The following THADA variants were observed in gnomAD, a reference collection of about 807,000 sequenced individuals.
The protein encoded by THADA is tRNA (32-2'-O)-methyltransferase regulator THADA.
Under a neutral mutation model 219.8 loss-of-function variants are expected in THADA, and 213 were observed. The observed-to-expected ratio is 0.97, with a 90% CI of 0.87 to 1.09. The LOEUF (loss-of-function observed/expected upper bound fraction) is 1.09, where lower values mean the gene tolerates loss of function less well. Ranked by LOEUF, THADA falls within the 50% of genes least tolerant of loss-of-function variation. The pLI is 0.00. For missense variants in THADA, 2,956 were observed against 2,311.3 expected (o/e 1.28, Z -5.72); for synonymous variants, 1,018 against 828.9 (o/e 1.23, Z -3.92).
At chr2:43,462,521 T>C (rs1458202750) in intron 26 of THADA, among the ~76,000 whole-genome samples, 3 of 152,198 alleles carry the variant, frequency 2.0e-5, no homozygotes, top group Non-Finnish European at 4.4e-5. Flanking sequence ...CAACCTCTAA[T>C]ATGTTCAAAC....
intron 29 of THADA, among the ~76,000 whole-genome samples, chr2:43,377,516 G>T (rs940393563): frequency 2.0e-5 from 3 of 152,154 alleles, no homozygotes; most frequent in Admixed American, 2.0e-4. Context: ...ACCCACAGGG[G>T]AATTAGATGC....
chr2:43,546,353 T>C (rs995062871), intron 20 of THADA, among the ~76,000 whole-genome samples: 6 of 152,198 alleles, frequency 3.9e-5, no homozygotes, highest in Admixed American at 2.0e-4. Flanking sequence ...TCTGTTGATT[T>C]GGGGTGGAGA....
chr2:43,402,622 T>C (rs1674998976), intron 28 of THADA, among the ~76,000 whole-genome samples: 1 of 152,266 alleles, frequency 6.6e-6, no homozygotes, highest in African/African-American at 2.4e-5. Flanking sequence ...CACACATCCG[T>C]AGGGACATCT....
intron 29 of THADA, among the ~76,000 whole-genome samples, chr2:43,374,215 C>A (rs763790777): frequency 1.3e-5 from 2 of 152,118 alleles, no homozygotes; most frequent in Non-Finnish European, 2.9e-5. Flanking sequence ...TTGGGGAAAG[C>A]CCAAGAGAAT....
At chr2:43,471,798 T>G (rs1301638666) in intron 26 of THADA, among the ~76,000 whole-genome samples, 1 of 152,222 alleles carries the variant, frequency 6.6e-6, no homozygotes, top group African/African-American at 2.4e-5. Context: ...CAATAAGACT[T>G]ACCTGTTCTG....
chr2:43,431,500 C>G (rs1679279210), intron 26 of THADA, among the ~76,000 whole-genome samples: 1 of 152,148 alleles, frequency 6.6e-6, no homozygotes, highest in Admixed American at 6.6e-5. Flanking sequence ...GAGTCTCACT[C>G]TGTTGCCCAG....
At chr2:43,464,048 C>G (rs1683944190) in intron 26 of THADA, among the ~76,000 whole-genome samples, 1 of 152,096 alleles carries the variant, frequency 6.6e-6, no homozygotes, top group South Asian at 2.1e-4. Context: ...ATAGTTATCT[C>G]ACAAAATCTC....
chr2:43,578,719 C>T, intron 8 of THADA, 112 bp from the exon 9 acceptor site: 13 of 595,670 alleles, frequency 2.2e-5, no homozygotes, highest in Non-Finnish European at 3.7e-5. Flanking sequence ...CTAGTCTGAC[C>T]ACTTCCTGGG....
At chr2:43,349,595 A>G (rs970882527) in intron 29 of THADA, among the ~76,000 whole-genome samples, 4 of 152,150 alleles carry the variant, frequency 2.6e-5, no homozygotes, top group Non-Finnish European at 4.4e-5. Context: ...CTTCCAGGCA[A>G]TTTTCCCCCT....
intron 22 of THADA, among the ~76,000 whole-genome samples, chr2:43,513,775 C>A (rs1690809441): frequency 6.6e-6 from 1 of 151,952 alleles, no homozygotes; most frequent in Non-Finnish European, 1.5e-5. Context: ...AGAAAGACAA[C>A]CTAAAAAAAT....
At chr2:43,507,466 G>A (rs923340311) in intron 23 of THADA, among the ~76,000 whole-genome samples, 1 of 152,138 alleles carries the variant, frequency 6.6e-6, no homozygotes, top group African/African-American at 2.4e-5. Flanking sequence ...TTAGAGGCAG[G>A]AGAATGAAAC....
At chr2:43,549,634 A>G (rs1183410356) in intron 19 of THADA, among the ~76,000 whole-genome samples, 2 of 152,208 alleles carry the variant, frequency 1.3e-5, no homozygotes, top group African/African-American at 2.4e-5. Context: ...CCACCATGTC[A>G]TCTACACTGC....
intron 30 of THADA, among the ~76,000 whole-genome samples, chr2:43,329,578 TC>T (rs1679724734): frequency 6.6e-6 from 1 of 152,238 alleles, no homozygotes; most frequent in African/African-American, 2.4e-5. Flanking sequence ...TTTATAAAAT[TC>T]TTAAGAAGGA....
intron 26 of THADA, among the ~76,000 whole-genome samples, chr2:43,432,462 T>TC (rs1232187370): frequency 2.7e-5 from 4 of 146,378 alleles, no homozygotes; most frequent in African/African-American, 7.4e-5. Context: ...TTCTTTACCT[T>TC]TTTTTTTTTT....
At chr2:43,460,594 T>C (rs544501562) in intron 26 of THADA, among the ~76,000 whole-genome samples, 1 of 152,226 alleles carries the variant, frequency 6.6e-6, no homozygotes, top group Admixed American at 6.5e-5. Context: ...CAGATATATA[T>C]TAAACATTAT....
chr2:43,322,944 C>T (rs1485819003), intron 30 of THADA, among the ~76,000 whole-genome samples: 1 of 152,020 alleles, frequency 6.6e-6, no homozygotes, highest in African/African-American at 2.4e-5. Context: ...CCTCGGCCTC[C>T]CAAAGTGCTG....
At chr2:43,542,526 G>GCACT (rs1695459237) in intron 20 of THADA, among the ~76,000 whole-genome samples, 1 of 152,186 alleles carries the variant, frequency 6.6e-6, no homozygotes, top group African/African-American at 2.4e-5. Context: ...TTCTGATGAC[G>GCACT]TTTTACAGCA....
rs766959700 is a variant in THADA at position 43,292,159 on chromosome 2, G to A, written c.4882C>T (p.His1628Tyr). 24 of 1,612,216 alleles carry A rather than the reference G, an allele frequency of 1.5e-5. No individual in the cohort carries two copies. In the East Asian group the frequency reaches 4.5e-4, roughly 30 times the overall value. Residue 1628 changes from histidine (H) to tyrosine (Y), a missense_variant, in exon 33 of 38, where the codon CAT becomes TAT. Transcript: ENST00000405975. ...ATCAAGAACTCCTTTGGGGTCAGATGGACACAGTGCTCCGTCTGGGGAAGC... is the reference window on the plus strand; with the variant it reads ...ATCAAGAACTCCTTTGGGGTCAGATAGACACAGTGCTCCGTCTGGGGAAGC... Reference protein sequence around the residue: ...EWLPQTEHCVHLTPKEFLIWT... With the variant: ...EWLPQTEHCVYLTPKEFLIWT...
chr2:43,259,996 T>TC (rs1670758133), intron 36 of THADA, among the ~76,000 whole-genome samples: 1 of 152,226 alleles, frequency 6.6e-6, no homozygotes, highest in Non-Finnish European at 1.5e-5. Flanking sequence ...ATCTTTTTTT[T>TC]CTTTTGAGAT....
Sources: allele counts gnomAD v4.1 joint callset (sites outside exome capture counted in the v4.1 genomes callset), GRCh38; gene constraint gnomAD v4.1.1; transcripts MANE v1.5; gene names NCBI Gene and HGNC (gene_info 2026-07-23, HGNC 2026-07-21).